MAML3: variants seen among roughly 807,000 people sequenced by gnomAD.
MAML3 encodes the protein mastermind like transcriptional coactivator 3.
In MAML3, 27 loss-of-function variants were observed where a neutral mutation model predicts 101.9. That is an observed-to-expected ratio of 0.27 (90% CI 0.20 to 0.37). MAML3 has a LOEUF of 0.37. Among genes scored for constraint, MAML3 ranks in the 10% least tolerant of loss-of-function variants. MAML3 has a pLI of 1.00. For missense variants in MAML3, 1,316 were observed against 1,444.9 expected (o/e 0.91, Z 1.45); for synonymous variants, 501 against 555.9 (o/e 0.90, Z 1.39).
In MAML3 at chr4:140,108,313, G is replaced by A. The variant is rs187422562; in HGVS notation, c.468+44547C>T. Reference sequence around the variant, plus strand: ...TTGGGAGCAGGCTGTCCCCTGCTTCGTGCTCCCCAGTACATGTCTATTATG... The same window carrying A: ...TTGGGAGCAGGCTGTCCCCTGCTTCATGCTCCCCAGTACATGTCTATTATG... On this transcript the variant is annotated intron_variant, in intron 1 of 4. Transcript: ENST00000509479. Among the ~76,000 whole-genome samples the A allele has an allele frequency of 4.1e-4, 62 of 151,646 alleles. 1 individual carries two copies. In the East Asian group the frequency reaches 4.5e-3, roughly 11 times the overall value.
intron 2 of MAML3, among the ~76,000 whole-genome samples, chr4:139,741,412 A>C (rs922090078): frequency 6.6e-6 from 1 of 152,196 alleles, no homozygotes; most frequent in Non-Finnish European, 1.5e-5. Context: ...ATAGTCACTG[A>C]GAAATCCTGA....
intron 2 of MAML3, among the ~76,000 whole-genome samples, chr4:139,840,595 G>A (rs1334050999): frequency 6.6e-6 from 1 of 152,158 alleles, no homozygotes; most frequent in Non-Finnish European, 1.5e-5. Flanking sequence ...AGGATAATGC[G>A]GTAGTTGCTT....
intron 1 of MAML3, among the ~76,000 whole-genome samples, chr4:140,083,965 CACAG>C (rs1284469790): frequency 4.1e-4 from 26 of 63,264 alleles, no homozygotes; most frequent in African/African-American, 1.9e-3. Context: ...CACACACACA[CACAG>C]AGAGAGAGAG....
intron 1 of MAML3, among the ~76,000 whole-genome samples, chr4:140,072,732 T>C (rs889608082): frequency 1.1e-4 from 17 of 151,570 alleles, no homozygotes; most frequent in Non-Finnish European, 2.4e-4. Flanking sequence ...TACAACACCA[T>C]TGTATATCAG....
At chr4:139,730,070 T>C (rs1421021284) in intron 3 of MAML3, among the ~76,000 whole-genome samples, 1 of 152,244 alleles carries the variant, frequency 6.6e-6, no homozygotes, top group Non-Finnish European at 1.5e-5. Context: ...ATATTACGGC[T>C]TATGGAGCAT....
chr4:139,961,448 GA>G (rs1456368016), intron 1 of MAML3, among the ~76,000 whole-genome samples: 1 of 152,120 alleles, frequency 6.6e-6, no homozygotes, highest in African/African-American at 2.4e-5. Flanking sequence ...TCCTGGAGTC[GA>G]AACAGAATGG....
At chr4:140,007,538 A>C (rs1159534490) in intron 1 of MAML3, among the ~76,000 whole-genome samples, 1 of 152,226 alleles carries the variant, frequency 6.6e-6, no homozygotes, top group Non-Finnish European at 1.5e-5. Flanking sequence ...AGATCTAGAA[A>C]GAAAGAGGAA....
At chr4:139,969,069 G>A (rs866094403) in intron 1 of MAML3, among the ~76,000 whole-genome samples, 1 of 152,040 alleles carries the variant, frequency 6.6e-6, no homozygotes, top group African/African-American at 2.4e-5. Flanking sequence ...ATGGAGCAAA[G>A]CCAGCCAGCC....
rs6536655 is a variant in MAML3 at position 140,042,643 on chromosome 4, A to G, written c.468+110217T>C. 1.3e-3 allele frequency among the ~76,000 whole-genome samples: 8 copies of G among 6,010 alleles called. No individual in the cohort carries two copies. The Non-Finnish European group carries it at 0.5, about 376-fold the overall frequency. The allele number at this position is 6,010 out of a possible 152,430, so 3.9% of individuals were successfully genotyped here. A position where few individuals can be genotyped will look rare whatever the true frequency, so the allele number is the denominator to read the frequency against. ...AGAGAGATTCCATCTCAAAAAAAAGAAAAAAAAAATGTGGCAAAGTTAAAA... is the reference window on the plus strand; with the variant it reads ...AGAGAGATTCCATCTCAAAAAAAAGGAAAAAAAAATGTGGCAAAGTTAAAA... On this transcript the variant is annotated intron_variant, in intron 1 of 4. Transcript: ENST00000509479.
chr4:139,978,825 C>G (rs898340131), intron 1 of MAML3, among the ~76,000 whole-genome samples: 4 of 152,048 alleles, frequency 2.6e-5, no homozygotes, highest in Non-Finnish European at 4.4e-5. Context: ...CACCTGGCCT[C>G]CCCACAGAAC....
At chr4:139,865,263 T>C (rs139233758) in intron 2 of MAML3, among the ~76,000 whole-genome samples, 2 of 152,102 alleles carry the variant, frequency 1.3e-5, no homozygotes, top group African/African-American at 4.8e-5. Flanking sequence ...CCTTCAGTTG[T>C]GTTTTCTTTT....
chr4:140,138,686 T>C (rs1228424643), intron 1 of MAML3, among the ~76,000 whole-genome samples: 2 of 152,260 alleles, frequency 1.3e-5, no homozygotes, highest in Admixed American at 6.5e-5. Flanking sequence ...GGGGAAACGA[T>C]GGACTGAAGT....
intron 2 of MAML3, among the ~76,000 whole-genome samples, chr4:139,831,364 A>G (rs1455666176): frequency 6.6e-6 from 1 of 152,252 alleles, no homozygotes; most frequent in African/African-American, 2.4e-5. Context: ...TTAAAATAAA[A>G]AAATCTAAAT....
intron 1 of MAML3, among the ~76,000 whole-genome samples, chr4:140,139,141 C>T (rs1256169690): frequency 1.3e-5 from 2 of 151,874 alleles, no homozygotes; most frequent in African/African-American, 4.8e-5. Context: ...GGCATGGTGG[C>T]AGGCACCTGT....
intron 1 of MAML3, among the ~76,000 whole-genome samples, chr4:139,954,971 G>T (rs1733892947): frequency 6.6e-6 from 1 of 152,070 alleles, no homozygotes; most frequent in African/African-American, 2.4e-5. Flanking sequence ...ATAATAATGG[G>T]AAAGAAAGCT....
intron 1 of MAML3, among the ~76,000 whole-genome samples, chr4:140,004,859 A>T (rs190023363): frequency 6.6e-6 from 1 of 151,810 alleles, no homozygotes; most frequent in Non-Finnish European, 1.5e-5. Context: ...TTTTTTTAAC[A>T]TAAGAAATAA....
At chr4:139,781,095 A>G (rs1446602941) in intron 2 of MAML3, among the ~76,000 whole-genome samples, 1 of 152,148 alleles carries the variant, frequency 6.6e-6, no homozygotes, top group African/African-American at 2.4e-5. Flanking sequence ...CCCAAAATGC[A>G]TTACTCTCTG....
intron 2 of MAML3, among the ~76,000 whole-genome samples, chr4:139,842,114 C>A (rs1370821485): frequency 2.0e-5 from 3 of 152,118 alleles, no homozygotes; most frequent in Non-Finnish European, 4.4e-5. Flanking sequence ...ACAAGGCATC[C>A]CCTGGGAAGA....
chr4:140,096,980 G>A (rs559513688), intron 1 of MAML3, among the ~76,000 whole-genome samples: 1 of 152,200 alleles, frequency 6.6e-6, no homozygotes, highest in African/African-American at 2.4e-5. Flanking sequence ...TGACAAATGA[G>A]CCATTGCTTA....
Sources: gnomAD v4.1 joint callset for allele counts (sites outside exome capture counted in the v4.1 genomes callset) on GRCh38, gnomAD v4.1.1 for gene constraint, MANE v1.5 for transcripts, NCBI Gene and HGNC (gene_info 2026-07-23, HGNC 2026-07-21) for gene names.